The following EBF1 variants were observed in gnomAD, a reference collection of about 807,000 sequenced individuals.
EBF1 encodes the protein transcription factor COE1.
Under a neutral mutation model 68.4 loss-of-function variants are expected in EBF1, and 10 were observed. That is an observed-to-expected ratio of 0.15 (90% CI 0.09 to 0.25). The LOEUF (loss-of-function observed/expected upper bound fraction) is 0.25, where lower values mean the gene tolerates loss of function less well. EBF1 is among the 10% of genes least tolerant of loss of function. EBF1 has a pLI of 1.00. For synonymous variants in EBF1, 298 were observed against 299.8 expected, an observed-to-expected ratio of 0.99 and a Z score of 0.06; for missense variants, 509 against 794.4, an observed-to-expected ratio of 0.64 and a Z score of 4.32.
At chr5:158,773,241 C>CA (rs978771726) in intron 10 of EBF1, among the ~76,000 whole-genome samples, 1 of 152,078 alleles carries the variant, frequency 6.6e-6, no homozygotes, top group African/African-American at 2.4e-5. Context: ...CATATGCAGA[C>CA]AAAATAGCCC....
intron 6 of EBF1, among the ~76,000 whole-genome samples, chr5:158,932,404 A>T (rs937323136): frequency 1.2e-4 from 18 of 152,164 alleles, no homozygotes; most frequent in African/African-American, 4.3e-4. Flanking sequence ...ATATGTCCTC[A>T]TATTCATAAA....
chr5:159,003,854 T>C (rs559351836), intron 6 of EBF1, among the ~76,000 whole-genome samples: 5 of 152,358 alleles, frequency 3.3e-5, no homozygotes, highest in Admixed American at 1.3e-4. Flanking sequence ...TTTGAGATCA[T>C]GGATGAGTAA....
intron 10 of EBF1, among the ~76,000 whole-genome samples, chr5:158,763,117 A>G (rs1175500768): frequency 2.6e-5 from 4 of 152,176 alleles, no homozygotes; most frequent in African/African-American, 9.6e-5. Flanking sequence ...GCAGAAGATC[A>G]CCGAATAAAG....
chr5:158,912,466 C>T (rs1225023806), intron 6 of EBF1, among the ~76,000 whole-genome samples: 3 of 152,104 alleles, frequency 2.0e-5, no homozygotes, highest in East Asian at 1.9e-4. Flanking sequence ...TGTACCCGTC[C>T]CTTCTAAATT....
chr5:158,889,847 T>G (rs530013239), intron 6 of EBF1, among the ~76,000 whole-genome samples: 6 of 152,110 alleles, frequency 3.9e-5, no homozygotes, highest in Non-Finnish European at 8.8e-5. Context: ...TCAAAGATAT[T>G]CAAACAATAA....
At chr5:158,906,474 C>G (rs1440414928) in intron 6 of EBF1, among the ~76,000 whole-genome samples, 1 of 152,098 alleles carries the variant, frequency 6.6e-6, no homozygotes, top group Non-Finnish European at 1.5e-5. Context: ...TGTCACTTAC[C>G]TGAACATGCT....
chr5:158,873,479 T>C (rs1797260590), intron 6 of EBF1, among the ~76,000 whole-genome samples: 1 of 152,204 alleles, frequency 6.6e-6, no homozygotes, highest in Non-Finnish European at 1.5e-5. Flanking sequence ...ATTCACTTAA[T>C]ATTTTATGTA....
intron 6 of EBF1, among the ~76,000 whole-genome samples, chr5:158,970,993 C>G (rs964711826): frequency 6.6e-6 from 1 of 152,106 alleles, no homozygotes. Flanking sequence ...CAAGACTGGT[C>G]AAAGCACTAG....
intron 6 of EBF1, among the ~76,000 whole-genome samples, chr5:158,902,616 A>ATTG (rs1397508830): frequency 6.7e-6 from 1 of 148,522 alleles, no homozygotes; most frequent in East Asian, 1.9e-4. Flanking sequence ...TATTATTATT[A>ATTG]TTATCATTAT....
chr5:158,928,746 T>C (rs1002756955), intron 6 of EBF1, among the ~76,000 whole-genome samples: 26 of 152,168 alleles, frequency 1.7e-4, no homozygotes, highest in Admixed American at 1.5e-3. Context: ...TTCATTTCGT[T>C]TAAAGGGAAT....
intron 6 of EBF1, among the ~76,000 whole-genome samples, chr5:158,967,415 C>A (rs948691805): frequency 6.6e-6 from 1 of 152,176 alleles, no homozygotes; most frequent in African/African-American, 2.4e-5. Context: ...TTATTACCAT[C>A]AAGATGCTTG....
At chr5:159,012,446 C>T (rs964626426) in intron 6 of EBF1, among the ~76,000 whole-genome samples, 1 of 152,008 alleles carries the variant, frequency 6.6e-6, no homozygotes, top group African/African-American at 2.4e-5. Context: ...AAGTCCTAAC[C>T]CCCAGTACCT....
In EBF1 at chr5:158,697,615, T is replaced by C. The variant is rs976924423; in HGVS notation, c.*1496A>G. On this transcript the variant is annotated 3_prime_UTR_variant, in exon 16 of 16. Coordinates refer to ENST00000313708, the MANE Select transcript of EBF1 (RefSeq NM_024007.5). ...CCTTTAAAACAAAAAGCCTTTTAAT[T>C]AACTTTGCAAGTATGTGCAAGCTAA... is the stretch of plus-strand genomic sequence containing the variant. 17 of 204,698 alleles carry C rather than the reference T, an allele frequency of 8.3e-5. No homozygotes were observed. Among genetic ancestry groups the C allele is most frequent in the African/African-American group, 3.9e-4 (17 of 43,798 alleles). 12.7% of individuals were successfully genotyped at this position (204,698 alleles called of 1,614,324 possible). A position where few individuals can be genotyped will look rare whatever the true frequency, so the allele number is the denominator to read the frequency against.
At chr5:158,792,987 C>A (rs1383640362) in intron 9 of EBF1, among the ~76,000 whole-genome samples, 3 of 152,128 alleles carry the variant, frequency 2.0e-5, no homozygotes, top group African/African-American at 7.2e-5. Context: ...TCTGATAACA[C>A]CCTATGATAA....
In EBF1 at chr5:159,069,988, T is replaced by C. The variant is rs554224493; in HGVS notation, c.554+3408A>G. On this transcript the variant is annotated intron_variant, in intron 6 of 15. Transcript: ENST00000313708. ...TCAAATATTAGTTACTGTGTCAATA[T>C]GTAAAATCAATCTCCACCTTAATTC... Among the ~76,000 whole-genome samples the C allele has an allele frequency of 3.3e-5, 5 of 152,340 alleles. No homozygotes were observed. In the South Asian group the frequency reaches 8.3e-4, roughly 25 times the overall value.
intron 4 of EBF1, among the ~76,000 whole-genome samples, chr5:159,093,529 C>T (rs891616653): frequency 6.6e-6 from 1 of 152,080 alleles, no homozygotes; most frequent in Non-Finnish European, 1.5e-5. Context: ...CTCTTCCTCC[C>T]TCTTTCCTGA....
chr5:158,935,490 T>C lies in EBF1; in HGVS notation c.555-95380A>G, dbSNP rs190873714. Among the ~76,000 whole-genome samples the C allele has an allele frequency of 3.9e-3, 588 of 152,286 alleles. 2 individuals are homozygous for C. Among genetic ancestry groups the C allele is most frequent in the African/African-American group, 0.013 (529 of 41,554 alleles). On this transcript the variant is annotated intron_variant, in intron 6 of 15. Coordinates refer to ENST00000313708, the MANE Select transcript of EBF1 (RefSeq NM_024007.5). ...AGCTGGTAGAACACCCTATATCCAC[T>C]GCTGCAGACTCACTGCATGTGCACG... is the stretch of plus-strand genomic sequence containing the variant.
chr5:158,777,478 T>A lies in EBF1; in HGVS notation c.971A>T (p.Glu324Val). 1 of 1,612,974 alleles carries A rather than the reference T, an allele frequency of 6.2e-7. No homozygotes were observed. Among genetic ancestry groups the A allele is most frequent in the Non-Finnish European group, 8.5e-7 (1 of 1,179,294 alleles). Residue 324 changes from glutamate (E) to valine (V), a missense_variant, in exon 10 of 16, where the codon GAA becomes GTA. Glu to Val is a moderately radical substitution (Grantham distance 121). Around this residue, in one of 3 missense-constraint regions of EBF1, gnomAD observed 230 missense variants for 467.7 expected, o/e 0.49. Coordinates refer to ENST00000313708, the MANE Select transcript of EBF1 (RefSeq NM_024007.5). The part of the protein sequence containing the change: ...TPPRHIPGVV[E>V]VTLSYKSKQF... ...CTTAGATTTGTAGGACAGTGTGACT[T>A]CCACAACACCAGGGATGTGCCGAGG...
At chr5:158,838,822 A>G (rs531193449) in intron 7 of EBF1, among the ~76,000 whole-genome samples, 11 of 152,348 alleles carry the variant, frequency 7.2e-5, no homozygotes, top group Non-Finnish European at 1.3e-4. Flanking sequence ...TCCTTGATGG[A>G]CCATATGAGC....
Sources: gnomAD v4.1 joint callset for allele counts (sites outside exome capture counted in the v4.1 genomes callset) on GRCh38, gnomAD v4.1.1 for gene constraint, gnomAD v4.1.1 regional missense constraint, MANE v1.5 for transcripts, NCBI Gene and HGNC (gene_info 2026-07-23, HGNC 2026-07-21) for gene names.